Variants in SPAG11B observed in about 807,000 individuals in gnomAD.
The protein encoded by SPAG11B is sperm-associated antigen 11B.
In SPAG11B, 5 loss-of-function variants were observed where a neutral mutation model predicts 8.9. The ratio of observed to expected loss-of-function variants is 0.56; its 90% CI spans 0.29 to 1.19. The LOEUF (loss-of-function observed/expected upper bound fraction) is 1.19. SPAG11B is among the 50% of genes most tolerant of loss of function. The pLI is 0.08. For synonymous variants in SPAG11B, 12 were observed against 53.0 expected (o/e 0.23, Z 3.36); for missense variants, 38 against 146.4 (o/e 0.26, Z 3.82).
chr8:7,450,989 T>A, intron 2 of SPAG11B, 89 bp from the exon 3 acceptor site: 1 of 1,524,702 alleles, frequency 6.6e-7, no homozygotes, highest in Non-Finnish European at 8.9e-7. Flanking sequence ...GGGTTATATA[T>A]TCTGACAAGG....
chr8:7,459,760 G>GCC (rs1810671166), intron 2 of SPAG11B, among the ~76,000 whole-genome samples: 1 of 125,286 alleles, frequency 8.0e-6, no homozygotes, highest in East Asian at 3.1e-4. Flanking sequence ...GAGATGGTGG[G>GCC]ACACAGATTT....
chr8:7,453,825 G>A (rs1188595426), intron 2 of SPAG11B, among the ~76,000 whole-genome samples: 1 of 148,852 alleles, frequency 6.7e-6, no homozygotes, highest in Admixed American at 6.7e-5. Flanking sequence ...CTGACTCACA[G>A]ACCTTTCTGT....
At chr8:7,453,584 A>G (rs1810320125) in intron 2 of SPAG11B, among the ~76,000 whole-genome samples, 1 of 149,414 alleles carries the variant, frequency 6.7e-6, no homozygotes, top group Non-Finnish European at 1.5e-5. Flanking sequence ...TAGACACATC[A>G]TATTTTCTTC....
intron 2 of SPAG11B, among the ~76,000 whole-genome samples, chr8:7,451,876 A>G (rs1473425754): frequency 6.6e-6 from 1 of 150,398 alleles, no homozygotes; most frequent in Non-Finnish European, 1.5e-5. Context: ...TCATTGCACC[A>G]TGGTAAATTA....
At chr8:7,451,007 C>A in intron 2 of SPAG11B, 107 bp from the exon 3 acceptor site, 1 of 1,514,766 alleles carries the variant, frequency 6.6e-7, no homozygotes, top group Non-Finnish European at 8.9e-7. Flanking sequence ...AGGCTAAGTA[C>A]TTTTGGACAA....
Position 7,450,864 on chromosome 8 carries a change from T to C in SPAG11B, c.251A>G (p.His84Arg), listed in dbSNP as rs1042797. ...VPPGIRNTIC[H>R]MQQGICRLFF... is the part of the protein sequence containing the mutation. ...AAGTCTGCAGATCCCTTGCTGCATA[T>C]GGCAGATGGTATTTCTAATTCCCGG... Residue 84 changes from histidine to arginine, a missense_variant, in exon 3 of 3, where the codon CAT becomes CGT. By Grantham distance (29) the His-to-Arg change is conservative. Around this residue, in one of 3 missense-constraint regions of SPAG11B, gnomAD observed 29 missense variants for 28.0 expected, o/e 1.03. Transcript: ENST00000398462. The C allele has an allele frequency of 0.61, 881,558 of 1,436,030 alleles. 227,216 individuals carry two copies. Among genetic ancestry groups the C allele is most frequent in the South Asian group, 0.65 (54,080 of 83,206 alleles). 89.0% of individuals were successfully genotyped at this position (1,436,030 alleles called of 1,614,324 possible).
downstream of SPAG11B, among the ~76,000 whole-genome samples, chr8:7,449,620 A>C (rs1810002337): frequency 6.7e-6 from 1 of 150,050 alleles, no homozygotes; most frequent in Non-Finnish European, 1.5e-5. Flanking sequence ...AGAAAAGAAA[A>C]AAAACAAGAG....
chr8:7,448,195 A>G (rs1330252455), downstream of SPAG11B: 4 of 406,886 alleles, frequency 9.8e-6, 1 homozygote, highest in Non-Finnish European at 8.2e-6. Context: ...ATCAGTGCCA[A>G]GAGATTCAGG....
At chr8:7,451,283 T>C in intron 2 of SPAG11B, 1 of 1,007,690 alleles carries the variant, frequency 9.9e-7, no homozygotes, top group South Asian at 1.6e-5. Context: ...TTAAAGGTAT[T>C]AACCCATTCT....
intron 2 of SPAG11B, among the ~76,000 whole-genome samples, chr8:7,451,583 C>T (rs1233714933): frequency 4.0e-5 from 5 of 126,246 alleles, no homozygotes; most frequent in African/African-American, 6.2e-5. Context: ...AACCTCCAAA[C>T]GGGGTCTAAT....
chr8:7,452,808 G>A (rs1810259145), intron 2 of SPAG11B, among the ~76,000 whole-genome samples: 1 of 90,982 alleles, frequency 1.1e-5, no homozygotes, highest in Admixed American at 1.2e-4. Flanking sequence ...GTTCATTGTA[G>A]CACATTTCCT....
chr8:7,449,731 G>A (rs564779264), downstream of SPAG11B, among the ~76,000 whole-genome samples: 1 of 145,552 alleles, frequency 6.9e-6, no homozygotes, highest in African/African-American at 2.7e-5. Flanking sequence ...GTACATTCTA[G>A]TGGGCTCTTT....
intron 2 of SPAG11B, among the ~76,000 whole-genome samples, chr8:7,451,672 G>C (rs1293254234): frequency 7.7e-6 from 1 of 130,156 alleles, no homozygotes; most frequent in African/African-American, 2.9e-5. Flanking sequence ...TCCACCTTTA[G>C]TCAAGACAGA....
intron 2 of SPAG11B, 45 bp from the exon 3 acceptor site, chr8:7,450,945 C>G (rs760509985): frequency 6.5e-7 from 1 of 1,544,608 alleles, no homozygotes; most frequent in Non-Finnish European, 8.8e-7. Flanking sequence ...TCATATAGTG[C>G]AGAGAATAGA....
chr8:7,451,142 A>T, intron 2 of SPAG11B: 1 of 1,559,408 alleles, frequency 6.4e-7, no homozygotes, highest in South Asian at 1.1e-5. Context: ...TCTAGGCCCT[A>T]AAAAGTCCAC....
rs573165774 is a variant in SPAG11B, at chr8:7,453,223, G to A, written c.215-2323C>T. On this transcript the variant is annotated intron_variant, in intron 2 of 2. Transcript: ENST00000398462. The stretch of plus-strand genomic sequence containing the variant: ...GTGAAAACAGAATCTGCAAGGACAC[G>A]ATATTTTTGTGTGTGGGTTTATATA... Among the ~76,000 whole-genome samples the A allele has an allele frequency of 7.7e-5, 11 of 143,440 alleles. No homozygotes were observed. In the South Asian group the frequency reaches 1.8e-3, roughly 23 times the overall value. The allele number at this position is 143,440 out of a possible 152,430, so 94.1% of individuals were successfully genotyped here.
chr8:7,457,166 C>A (rs1394549971), intron 2 of SPAG11B, among the ~76,000 whole-genome samples: 2 of 150,210 alleles, frequency 1.3e-5, no homozygotes, highest in African/African-American at 5.0e-5. Context: ...GCCCAGGAAG[C>A]GCTTTCTTAT....
At position 7,459,553 on chromosome 8, in the gene SPAG11B, C is replaced by G. The variant is rs1261409140; in HGVS notation, c.214+3154G>C. Among the ~76,000 whole-genome samples, 834 of 148,340 alleles carry G rather than the reference C, an allele frequency of 5.6e-3. 8 individuals carry two copies. Among genetic ancestry groups the G allele is most frequent in the African/African-American group, 0.02 (781 of 39,978 alleles). ...GACACACTCCCCGCACAATCCCTAT[C>G]CCAGACATAACACCTTACAATTAAT... On this transcript the variant is annotated intron_variant, in intron 2 of 2. Coordinates refer to ENST00000398462, the MANE Select transcript of SPAG11B (RefSeq NM_058201.4).
intron 2 of SPAG11B, among the ~76,000 whole-genome samples, chr8:7,453,443 T>C (rs1383479918): frequency 6.7e-6 from 1 of 148,444 alleles, no homozygotes; most frequent in Non-Finnish European, 1.5e-5. Flanking sequence ...CTTCCAGAGG[T>C]GTCCCATGTG....
Sources: gnomAD v4.1 joint callset for allele counts (sites outside exome capture counted in the v4.1 genomes callset) on GRCh38, gnomAD v4.1.1 for gene constraint, gnomAD v4.1.1 regional missense constraint, MANE v1.5 for transcripts, NCBI Gene and HGNC (gene_info 2026-07-23, HGNC 2026-07-21) for gene names.